The following MGRN1 variants were observed in gnomAD, a reference collection of about 807,000 sequenced individuals.
MGRN1 encodes the protein mahogunin ring finger 1.
In MGRN1, 29 loss-of-function variants were observed where a neutral mutation model predicts 69.2. The ratio of observed to expected loss-of-function variants is 0.42; its 90% CI spans 0.31 to 0.57. MGRN1 has a LOEUF of 0.57. Among genes scored for constraint, MGRN1 ranks in the 20% least tolerant of loss-of-function variants. MGRN1 has a pLI of 0.15. For synonymous variants in MGRN1, 470 were observed against 344.2 expected (o/e 1.37, Z -4.04); for missense variants, 998 against 796.2 (o/e 1.25, Z -3.05).
chr16:4,652,884 C>T (rs1412799438), intron 4 of MGRN1, 60 bp downstream of exon 4: 9 of 1,510,272 alleles, frequency 6.0e-6, no homozygotes, highest in Non-Finnish European at 8.0e-6. Context: ...CTGGGGGAGG[C>T]TTCTGTCCAC....
At chr16:4,659,934 G>T (rs564185342) in intron 5 of MGRN1, among the ~76,000 whole-genome samples, 1 of 152,366 alleles carries the variant, frequency 6.6e-6, no homozygotes, top group African/African-American at 2.4e-5. Flanking sequence ...GCTGGGTCCG[G>T]AGATGCTTGG....
At chr16:4,663,365 G>GTT (rs1183914569) in intron 5 of MGRN1, among the ~76,000 whole-genome samples, 6,454 of 61,756 alleles carry the variant, frequency 0.1, 1,270 homozygotes, top group African/African-American at 0.15. Flanking sequence ...ACCTGGCCTT[G>GTT]TTTTTTTTTT....
intron 12 of MGRN1, among the ~76,000 whole-genome samples, chr16:4,681,125 C>T (rs1033309956): frequency 7.2e-5 from 11 of 152,234 alleles, no homozygotes; most frequent in Admixed American, 6.5e-4. Context: ...GCACAGCTCC[C>T]AACAGCTCAG....
At chr16:4,672,502 C>T (rs1230958282) in intron 9 of MGRN1, 1 of 456,276 alleles carries the variant, frequency 2.2e-6, no homozygotes, top group Non-Finnish European at 4.4e-6. Context: ...CCGGGCCTCG[C>T]CTCAACCCAG....
intron 1 of MGRN1, among the ~76,000 whole-genome samples, chr16:4,645,948 A>G (rs77746678): frequency 0.021 from 3,268 of 152,248 alleles, 59 homozygotes; most frequent in South Asian, 0.043. Context: ...TAGAAATGAA[A>G]TCGAATTGGG....
At chr16:4,687,762 G>A in intron 16 of MGRN1, 1 of 985,482 alleles carries the variant, frequency 1.0e-6, no homozygotes, top group Non-Finnish European at 1.2e-6. Flanking sequence ...GCCTGGCCGG[G>A]GGTGCAGGCT....
rs567144300 is a variant in MGRN1, at chr16:4,646,624, C to T, written c.89-3741C>T. ...CAGCTTCCCCCAGAGCCTTAGAAGC[C>T]ACACACCATCATTTTCATGCAGTCT... is the stretch of plus-strand genomic sequence containing the variant. On this transcript the variant is annotated intron_variant, in intron 1 of 16. Coordinates refer to ENST00000262370, the MANE Select transcript of MGRN1 (RefSeq NM_015246.4). Among the ~76,000 whole-genome samples, 13 of 152,244 alleles carry T rather than the reference C, an allele frequency of 8.5e-5. No individual in the cohort carries two copies. In the East Asian group the frequency reaches 2.5e-3, roughly 29 times the overall value.
chr16:4,686,974 T>C lies in MGRN1; in HGVS notation c.1619-1822T>C, dbSNP rs961649014. 4 of 985,262 alleles carry C rather than the reference T, an allele frequency of 4.1e-6. No homozygotes were observed. In the African/African-American group the frequency reaches 7.0e-5, roughly 17 times the overall value. 61.0% of individuals were successfully genotyped at this position (985,262 alleles called of 1,614,324 possible). ...GGTGCCCAGGGGAGAGTATCTTGCGTCCTGTCCTGAGGGCGTCCGCTCACA... is the reference window on the plus strand; with the variant it reads ...GGTGCCCAGGGGAGAGTATCTTGCGCCCTGTCCTGAGGGCGTCCGCTCACA... On this transcript the variant is annotated intron_variant, in intron 16 of 16. Transcript: ENST00000262370.
intron 11 of MGRN1, among the ~76,000 whole-genome samples, chr16:4,677,821 C>T (rs1390608662): frequency 3.7e-5 from 5 of 135,458 alleles, no homozygotes; most frequent in East Asian, 2.2e-4. Flanking sequence ...GTCGAGGTCT[C>T]GGTGGAGCCA....
chr16:4,639,063 C>T (rs755813590), intron 1 of MGRN1, among the ~76,000 whole-genome samples: 11 of 152,180 alleles, frequency 7.2e-5, no homozygotes, highest in Admixed American at 5.9e-4. Flanking sequence ...TCAGCCTCAC[C>T]GGGCCAGTTT....
chr16:4,678,520 G>A (rs1361564414), intron 11 of MGRN1, among the ~76,000 whole-genome samples: 2 of 151,898 alleles, frequency 1.3e-5, no homozygotes. Flanking sequence ...GGAAGAGACA[G>A]ACAGATGTGG....
chr16:4,629,158 G>GTGTA (rs1555445276), intron 1 of MGRN1, among the ~76,000 whole-genome samples: 1 of 99,940 alleles, frequency 1.0e-5, no homozygotes, highest in Non-Finnish European at 2.3e-5. Context: ...GTATGTGTGT[G>GTGTA]TGTGTGTGTG....
At chr16:4,682,745 G>A in intron 13 of MGRN1, 78 bp from the exon 14 acceptor site, 8 of 1,412,474 alleles carry the variant, frequency 5.7e-6, no homozygotes, top group Non-Finnish European at 7.5e-6. Flanking sequence ...GCCCCCAGGT[G>A]CCCTGCATGG....
In MGRN1 at chr16:4,652,856, G is replaced by A. The variant is rs775841480; in HGVS notation, c.443+32G>A. 30 of 1,566,696 alleles carry A rather than the reference G, an allele frequency of 1.9e-5. No homozygotes were observed. In the South Asian group the frequency reaches 2.8e-4, roughly 15 times the overall value. On this transcript the variant is annotated intron_variant, in intron 4 of 16. Coordinates refer to ENST00000262370, the MANE Select transcript of MGRN1 (RefSeq NM_015246.4). The stretch of plus-strand genomic sequence containing the variant: ...CCCGCGGGCGGCTGGCACCGGCCTG[G>A]CTGGGGGCCCCAGACTCCTGGGGGA...
In MGRN1 at chr16:4,686,054, G is replaced by A. The variant is rs534395887; in HGVS notation, c.1618+2122G>A. ...CGGGAGGTATGGGAGGGAGGGGCAG[G>A]GCCAGTGCGCTCCTCCGCGTTGAAT... On this transcript the variant is annotated intron_variant, in intron 16 of 16. Transcript: ENST00000262370. Among the ~76,000 whole-genome samples, 153 of 152,306 alleles carry A rather than the reference G, an allele frequency of 1.0e-3. 1 individual carries two copies. Among genetic ancestry groups the A allele is most frequent in the African/African-American group, 3.4e-3 (140 of 41,566 alleles).
intron 1 of MGRN1, among the ~76,000 whole-genome samples, chr16:4,636,969 A>G (rs1355060363): frequency 1.3e-5 from 2 of 151,434 alleles, no homozygotes; most frequent in African/African-American, 4.9e-5. Flanking sequence ...AATACAAACA[A>G]TTAGCAGGGC....
intron 3 of MGRN1, 83 bp from the exon 4 acceptor site, chr16:4,652,595 G>T (rs1029092923): frequency 6.7e-7 from 1 of 1,495,218 alleles, no homozygotes; most frequent in East Asian, 2.4e-5. Context: ...CACCTCCACG[G>T]CCCCTCAGCC....
chr16:4,634,093 C>T (rs1444405245), intron 1 of MGRN1, among the ~76,000 whole-genome samples: 2 of 152,214 alleles, frequency 1.3e-5, no homozygotes, highest in African/African-American at 4.8e-5. Flanking sequence ...GCACTAGCTT[C>T]AGAGTCCTGG....
Position 4,682,952 on chromosome 16 carries a change from G to C in MGRN1, c.1482+6G>C. On this transcript the variant is annotated splice_donor_region_variant and intron_variant, in intron 14 of 16. Coordinates refer to ENST00000262370, the MANE Select transcript of MGRN1 (RefSeq NM_015246.4). ...GGGAAAGCAGCTCCCCTGAGGTGAG[G>C]CCCCCCCGGGGAAGCTTTGCGCACC... 1.9e-6 allele frequency: 3 copies of C among 1,552,836 alleles called. No individual in the cohort carries two copies. The highest frequency in any genetic ancestry group is 1.2e-5 in the South Asian group (1 of 84,594).
Sources: gnomAD v4.1 joint callset for allele counts (sites outside exome capture counted in the v4.1 genomes callset) on GRCh38, gnomAD v4.1.1 for gene constraint, MANE v1.5 for transcripts, NCBI Gene and HGNC (gene_info 2026-07-23, HGNC 2026-07-21) for gene names.